NTRK2: variants seen among roughly 807,000 people sequenced by gnomAD.
NTRK2 encodes the protein neurotrophic receptor tyrosine kinase 2.
In NTRK2, 13 loss-of-function variants were observed where a neutral mutation model predicts 94.5. The ratio of observed to expected loss-of-function variants is 0.14; its 90% confidence interval spans 0.09 to 0.22. The LOEUF is 0.22. NTRK2 is among the 10% of genes least tolerant of loss of function. The pLI, the probability that NTRK2 is intolerant of heterozygous loss-of-function variation, is 1.00. For missense variants in NTRK2, 639 were observed against 1,071.2 expected, an observed-to-expected ratio of 0.60 and a Z score of 5.63; for synonymous variants, 372 against 407.4, an observed-to-expected ratio of 0.91 and a Z score of 1.05.
At chr9:85,015,270 G>A (rs1458291764) in intron 17 of NTRK2, among the ~76,000 whole-genome samples, 2 of 152,056 alleles carry the variant, frequency 1.3e-5, no homozygotes, top group Non-Finnish European at 2.9e-5. Flanking sequence ...TGTACAGGTG[G>A]CAAACCGAGA....
At chr9:84,729,113 C>A (rs561297547) in intron 9 of NTRK2, among the ~76,000 whole-genome samples, 2 of 152,188 alleles carry the variant, frequency 1.3e-5, no homozygotes, top group Admixed American at 6.5e-5. Context: ...AGGGCCCCCC[C>A]ACCAGCAAAG....
At chr9:84,992,137 G>A (rs188130237) in intron 17 of NTRK2, among the ~76,000 whole-genome samples, 76 of 152,276 alleles carry the variant, frequency 5.0e-4, no homozygotes, top group Admixed American at 4.0e-3. Context: ...AACCACAGTT[G>A]AAATGAAGGA....
intron 17 of NTRK2, among the ~76,000 whole-genome samples, chr9:85,001,035 G>T (rs1830278038): frequency 1.3e-5 from 2 of 152,172 alleles, no homozygotes. Context: ...TCGCATCTCA[G>T]GTAGATTCCA....
intron 14 of NTRK2, chr9:84,875,506 A>G: frequency 9.4e-7 from 1 of 1,063,424 alleles, no homozygotes; most frequent in Non-Finnish European, 1.1e-6. Flanking sequence ...GCTCAACTGA[A>G]GCAGATGATC....
chr9:84,925,132 C>G (rs189433804), intron 14 of NTRK2, among the ~76,000 whole-genome samples: 1 of 152,036 alleles, frequency 6.6e-6, no homozygotes, highest in Non-Finnish European at 1.5e-5. Context: ...CACCCCACTG[C>G]CCTCTCTGCA....
chr9:84,966,481 G>A (rs1468775323), intron 17 of NTRK2, among the ~76,000 whole-genome samples: 2 of 152,166 alleles, frequency 1.3e-5, no homozygotes, highest in Non-Finnish European at 2.9e-5. Context: ...ACCCAAGCTG[G>A]AGTGTAATGG....
Position 84,769,321 on chromosome 9 carries a change from GT to G in NTRK2, c.1396+17238del, listed in dbSNP as rs539574454. On this transcript the variant is annotated intron_variant, in intron 12 of 18. Coordinates refer to ENST00000277120, the MANE Select transcript of NTRK2 (RefSeq NM_006180.6). ...TATAATCATTCATAATAGTACATTA[GT>G]TAATCCTAAAATCTTATGACCCAAT... Among the ~76,000 whole-genome samples, 578 of 152,270 alleles carry G rather than the reference GT, an allele frequency of 3.8e-3. 3 individuals are homozygous for G. The highest frequency in any genetic ancestry group is 5.7e-3 in the Non-Finnish European group (390 of 68,024).
chr9:84,736,794 A>G (rs971017661), intron 9 of NTRK2, among the ~76,000 whole-genome samples: 1 of 152,212 alleles, frequency 6.6e-6, no homozygotes, highest in Non-Finnish European at 1.5e-5. Context: ...AGAAGACTCC[A>G]TTGTTACAGA....
chr9:84,961,454 A>C (rs1343914061), intron 17 of NTRK2, among the ~76,000 whole-genome samples: 1 of 152,232 alleles, frequency 6.6e-6, no homozygotes, highest in Non-Finnish European at 1.5e-5. Flanking sequence ...CCCGTCTGCC[A>C]GGGAGAAGTC....
At chr9:84,917,966 G>A (rs1323993167) in intron 14 of NTRK2, among the ~76,000 whole-genome samples, 2 of 152,182 alleles carry the variant, frequency 1.3e-5, no homozygotes, top group Non-Finnish European at 2.9e-5. Context: ...AGCCTGTGAG[G>A]TGTCTGGGTG....
At chr9:84,959,970 C>T (rs1156665096) in intron 17 of NTRK2, among the ~76,000 whole-genome samples, 1 of 152,166 alleles carries the variant, frequency 6.6e-6, no homozygotes, top group Non-Finnish European at 1.5e-5. Context: ...ATCTGCAATC[C>T]TAGCTGTTAA....
chr9:85,011,310 C>G (rs937154748), intron 17 of NTRK2, among the ~76,000 whole-genome samples: 2 of 152,142 alleles, frequency 1.3e-5, no homozygotes. Context: ...CAGAGCTGTT[C>G]TTGCTCCCCT....
intron 12 of NTRK2, chr9:84,812,122 A>G (rs201091274): frequency 3.8e-6 from 4 of 1,059,280 alleles, no homozygotes; most frequent in East Asian, 5.2e-5. Flanking sequence ...TAGATTTTTA[A>G]CTAGTCCAAC....
chr9:84,710,581 A>G, intron 5 of NTRK2, 56 bp from the exon 6 acceptor site: 1 of 1,576,098 alleles, frequency 6.3e-7, no homozygotes, highest in Admixed American at 1.7e-5. Context: ...TACAAGCACT[A>G]ATGTAGCTAA....
rs545020540 is a variant in NTRK2 at position 85,020,464 on chromosome 9, C to T, written c.2331+100C>T. On this transcript the variant is annotated intron_variant, in intron 18 of 18. Transcript: ENST00000277120. ...TGGGTTGGAAGACCATGTCAGGACA[C>T]GATCTTATGGGCTTTGTTGGTGGCA... 2.9e-5 allele frequency: 36 copies of T among 1,237,084 alleles called. 1 individual carries two copies. In the East Asian group the frequency reaches 3.7e-4, roughly 13 times the overall value. 76.6% of individuals were successfully genotyped at this position (1,237,084 alleles called of 1,614,324 possible). A position where few individuals can be genotyped will look rare whatever the true frequency, so the allele number is the denominator to read the frequency against.
At chr9:84,949,494 G>A (rs936492563) in intron 16 of NTRK2, among the ~76,000 whole-genome samples, 2 of 151,774 alleles carry the variant, frequency 1.3e-5, no homozygotes, top group Non-Finnish European at 2.9e-5. Context: ...TTGAGACAGA[G>A]TCTCGCTCTG....
intron 6 of NTRK2, among the ~76,000 whole-genome samples, chr9:84,713,752 A>G (rs2131868961): frequency 6.6e-6 from 1 of 152,266 alleles, no homozygotes; most frequent in South Asian, 2.1e-4. Flanking sequence ...GCTGATGAGA[A>G]GTCTGAGGTC....
chr9:84,687,189 A>G (rs1778965), intron 2 of NTRK2, among the ~76,000 whole-genome samples: 78,183 of 151,964 alleles, frequency 0.51, 20,531 homozygotes, highest in South Asian at 0.58. Context: ...TGCTGGGATT[A>G]CAGGTGTAAG....
chr9:85,009,152 A>G (rs1199737238), intron 17 of NTRK2, among the ~76,000 whole-genome samples: 1 of 152,206 alleles, frequency 6.6e-6, no homozygotes, highest in Non-Finnish European at 1.5e-5. Flanking sequence ...TGGACCCAAG[A>G]TGGTGTGTCT....
Sources: gnomAD v4.1 joint callset for allele counts (sites outside exome capture counted in the v4.1 genomes callset) on GRCh38, gnomAD v4.1.1 for gene constraint, MANE v1.5 for transcripts, NCBI Gene and HGNC (gene_info 2026-07-23, HGNC 2026-07-21) for gene names.